AKNAD1: variants seen among roughly 807,000 people sequenced by gnomAD.
AKNAD1 encodes the protein AKNA domain containing 1, also known as protein AKNAD1.
A neutral mutation model predicts 90.8 loss-of-function variants in AKNAD1; 67 were observed. That is an observed-to-expected ratio of 0.74 (90% CI 0.61 to 0.90). AKNAD1 has a LOEUF of 0.90. AKNAD1 is among the 40% of genes least tolerant of loss of function. The pLI, the probability that AKNAD1 is intolerant of heterozygous loss-of-function variation, is 0.00. For synonymous variants in AKNAD1, 327 were observed against 341.4 expected (o/e 0.96, Z 0.46); for missense variants, 957 against 975.4 (o/e 0.98, Z 0.25).
chr1:108,842,690 G>A (rs1570818769), intron 6 of AKNAD1, among the ~76,000 whole-genome samples: 1 of 152,110 alleles, frequency 6.6e-6, no homozygotes, highest in Non-Finnish European at 1.5e-5. Flanking sequence ...AGAGAACCAG[G>A]CAAGGACAAT....
At chr1:108,822,959 C>T (rs1663865288) in intron 13 of AKNAD1, 1 of 528,382 alleles carries the variant, frequency 1.9e-6, no homozygotes, top group Non-Finnish European at 3.3e-6. Flanking sequence ...AACATGATGT[C>T]TATGGAGTGT....
rs142372356 is a variant in AKNAD1 at position 108,855,274 on chromosome 1, G to A, written c.-104+1655C>T. On this transcript the variant is annotated intron_variant, in intron 1 of 15. Coordinates refer to ENST00000370001, the MANE Select transcript of AKNAD1 (RefSeq NM_152763.5). Reference sequence around the variant, plus strand: ...TAAAAATACAAAAAATTAGCTGGGCGTGGTGGCGCACACCTGTAGTCCCAG... The same window carrying A: ...TAAAAATACAAAAAATTAGCTGGGCATGGTGGCGCACACCTGTAGTCCCAG... Among the ~76,000 whole-genome samples the A allele has an allele frequency of 4.7e-3, 721 of 152,166 alleles. 3 individuals are homozygous for A. Among genetic ancestry groups the A allele is most frequent in the African/African-American group, 0.011 (455 of 41,506 alleles).
At position 108,830,574 on chromosome 1, in the gene AKNAD1, C is replaced by T. The variant is rs143433407; in HGVS notation, c.1823G>A (p.Arg608His). ...AAGCCCTCACCATTCAAGGAGCCTG[C>T]GACAGAAGGCACAGCTCGGACTGGG... is the stretch of plus-strand genomic sequence containing the variant. ...TAPSPSCAFC[R>H]RLLEWKQNVE... The change falls in exon 10 of 16, where the codon CGC becomes CAC. Residue 608 changes from arginine (R) to histidine (H), a missense_variant. Physicochemically the swap from Arg to His is conservative, Grantham distance 29 (BLOSUM62 0). Transcript: ENST00000370001. 1,828 of 1,614,010 alleles carry T rather than the reference C, an allele frequency of 1.1e-3. 21 individuals carry two copies. In the African/African-American group the frequency reaches 0.021, roughly 18 times the overall value.
intron 1 of AKNAD1, among the ~76,000 whole-genome samples, chr1:108,854,176 G>A (rs1557840080): frequency 6.6e-6 from 1 of 152,188 alleles, no homozygotes; most frequent in Non-Finnish European, 1.5e-5. Flanking sequence ...CATTTGGTAT[G>A]AGTCCTATTT....
At chr1:108,819,456 A>G (rs949102993) in intron 14 of AKNAD1, among the ~76,000 whole-genome samples, 1 of 75,550 alleles carries the variant, frequency 1.3e-5, no homozygotes, top group Non-Finnish European at 2.6e-5. Flanking sequence ...CATCTCTACC[A>G]AAAAAAAAAA....
chr1:108,830,151 G>T (rs1664138976), intron 10 of AKNAD1, among the ~76,000 whole-genome samples: 3 of 152,070 alleles, frequency 2.0e-5, no homozygotes, highest in Admixed American at 1.3e-4. Flanking sequence ...TGTTATACAG[G>T]ATAAGAATCC....
intron 1 of AKNAD1, among the ~76,000 whole-genome samples, chr1:108,856,718 T>TAAACACA (rs1287589720): frequency 0.033 from 4,691 of 142,660 alleles, 110 homozygotes; most frequent in Middle Eastern, 0.05. Flanking sequence ...TCTCTCTCTC[T>TAAACACA]CACACACACA....
chr1:108,827,553 G>T (rs958680884), intron 10 of AKNAD1, among the ~76,000 whole-genome samples: 1 of 151,474 alleles, frequency 6.6e-6, no homozygotes, highest in African/African-American at 2.4e-5. Context: ...GGTGGCTCAC[G>T]CCTGTAATCC....
At chr1:108,828,617 C>T (rs958996562) in intron 10 of AKNAD1, among the ~76,000 whole-genome samples, 1 of 151,832 alleles carries the variant, frequency 6.6e-6, no homozygotes, top group Non-Finnish European at 1.5e-5. Flanking sequence ...CTGCTGTTGG[C>T]GGAGAAGGGA....
At chr1:108,844,608 C>T (rs1193184658) in intron 5 of AKNAD1, among the ~76,000 whole-genome samples, 1 of 152,016 alleles carries the variant, frequency 6.6e-6, no homozygotes, top group Non-Finnish European at 1.5e-5. Context: ...AGAAACATAG[C>T]TCGGTGAGGT....
At chr1:108,829,673 C>A (rs1239172904) in intron 10 of AKNAD1, among the ~76,000 whole-genome samples, 1 of 152,132 alleles carries the variant, frequency 6.6e-6, no homozygotes, top group Non-Finnish European at 1.5e-5. Flanking sequence ...AAGGCAGGTG[C>A]CCATTCCCAC....
chr1:108,843,432 C>T (rs1664611844), intron 5 of AKNAD1, 165 bp from the exon 6 acceptor site: 3 of 804,388 alleles, frequency 3.7e-6, no homozygotes, highest in African/African-American at 1.7e-5. Flanking sequence ...ATCTAAACTA[C>T]AGACAACCCA....
At position 108,834,474 on chromosome 1, in the gene AKNAD1, C is replaced by A; in HGVS notation, c.1719G>T (p.Val573=). ...CAGAGTTAGAAGACAGCCTCATGGC[C>A]ACTTGGTCTGGCTTGTTCTGGGCAG... The part of the protein sequence containing the change: ...DAAAQNKPDQ[V]AMRLSSNSGE... Residue 573 remains valine, a synonymous_variant, in exon 9 of 16, where the codon GTG becomes GTT. Transcript: ENST00000370001. 1 of 1,611,140 alleles carries A rather than the reference C, an allele frequency of 6.2e-7. No homozygotes were observed. The highest frequency in any genetic ancestry group is 8.5e-7 in the Non-Finnish European group (1 of 1,178,884).
intron 1 of AKNAD1, among the ~76,000 whole-genome samples, 200 bp from the exon 2 acceptor site, chr1:108,852,967 A>G (rs968061119): frequency 5.9e-5 from 9 of 152,098 alleles, no homozygotes; most frequent in African/African-American, 2.2e-4. Context: ...ATGGGGGAAA[A>G]AAAAAAAGAG....
At chr1:108,825,458 G>A (rs1663965761) in intron 11 of AKNAD1, among the ~76,000 whole-genome samples, 1 of 151,802 alleles carries the variant, frequency 6.6e-6, no homozygotes, top group South Asian at 2.1e-4. Context: ...TGAGAGTTAT[G>A]TGACATACAC....
chr1:108,824,512 A>G (rs767090559), intron 11 of AKNAD1, among the ~76,000 whole-genome samples: 3 of 151,692 alleles, frequency 2.0e-5, no homozygotes, highest in Non-Finnish European at 4.4e-5. Flanking sequence ...AATCCATTTC[A>G]TATTAGCAAA....
rs200140577 is a variant in AKNAD1, at chr1:108,848,996, A to G, written c.1098T>C (p.Ser366=). 5.6e-6 allele frequency: 9 copies of G among 1,611,844 alleles called. No homozygotes were observed. The highest frequency in any genetic ancestry group is 1.7e-5 in the Admixed American group (1 of 59,544). ...SPTSQKGTSS[S]SSYIFQKISQ... is the part of the protein sequence containing the mutation. ...ATATCTTTTGAAATATGTAAGAAGA[A>G]CTTGAGGAAGTGCCTTTCTGAGAGG... The change falls in exon 4 of 16, where the codon AGT becomes AGC. Residue 366 remains serine (S), a synonymous_variant. Transcript: ENST00000370001.
chr1:108,849,590 G>A lies in AKNAD1; in HGVS notation c.994-14C>T. 4 of 1,583,956 alleles carry A rather than the reference G, an allele frequency of 2.5e-6. No individual in the cohort carries two copies. The South Asian group carries it at 4.4e-5, about 18-fold the overall frequency. On this transcript the variant is annotated splice_polypyrimidine_tract_variant and intron_variant, in intron 2 of 15. Transcript: ENST00000370001. ...TATGGGCTCCATCTGCACAATTAAA[G>A]GGTAAGAAAACGTTACTGTCGATAT... is the stretch of plus-strand genomic sequence containing the variant.
chr1:108,842,795 G>A (rs1461037863), intron 6 of AKNAD1, among the ~76,000 whole-genome samples: 3 of 152,160 alleles, frequency 2.0e-5, no homozygotes, highest in Non-Finnish European at 4.4e-5. Context: ...TGGTTATCAT[G>A]TGAGCCTTTC....
Sources: gnomAD v4.1 joint callset for allele counts (sites outside exome capture counted in the v4.1 genomes callset) on GRCh38, gnomAD v4.1.1 for gene constraint, MANE v1.5 for transcripts, NCBI Gene and HGNC (gene_info 2026-07-23, HGNC 2026-07-21) for gene names.